The following ERCC4 variants were observed in gnomAD, a reference collection of about 807,000 sequenced individuals.
ERCC4 encodes DNA repair endonuclease XPF.
In ERCC4, 65 loss-of-function variants were observed where a neutral mutation model predicts 76.9. That is an observed-to-expected ratio of 0.84 (90% confidence interval 0.69 to 1.04). ERCC4 has a LOEUF of 1.04. Among genes scored for constraint, ERCC4 ranks in the 50% least tolerant of loss-of-function variants. ERCC4 has a pLI of 0.00. For missense variants in ERCC4, 1,214 were observed against 1,128.2 expected, an observed-to-expected ratio of 1.08 and a Z score of -1.09; for synonymous variants, 463 against 410.1, an observed-to-expected ratio of 1.13 and a Z score of -1.56.
intron 2 of ERCC4, among the ~76,000 whole-genome samples, chr16:13,924,296 G>A (rs186356583): frequency 6.6e-6 from 1 of 152,124 alleles, no homozygotes; most frequent in Non-Finnish European, 1.5e-5. Flanking sequence ...CTCCTAACAC[G>A]TGGGAGAACT....
chr16:13,940,933 G>A (rs1166222461), intron 9 of ERCC4, among the ~76,000 whole-genome samples: 1 of 152,200 alleles, frequency 6.6e-6, no homozygotes, highest in Non-Finnish European at 1.5e-5. Context: ...GATAGAATGG[G>A]AGGAAGACAG....
chr16:13,945,819 A>G (rs1415530395), intron 10 of ERCC4, among the ~76,000 whole-genome samples: 2 of 152,248 alleles, frequency 1.3e-5, no homozygotes, highest in Non-Finnish European at 2.9e-5. Context: ...TATGGGTACC[A>G]CACAGAGAGC....
rs1417763746 is a variant in ERCC4 at position 13,950,438 on chromosome 16, A to G, written c.*2091A>G. On this transcript the variant is annotated 3_prime_UTR_variant, in exon 11 of 11. Coordinates refer to ENST00000311895, the MANE Select transcript of ERCC4 (RefSeq NM_005236.3). ...TAGAACTCTGTAAGATGATGTGGAG[A>G]GTAAGGAAAAGGAGAAGAAATAAAA... 1 of 188,242 alleles carries G rather than the reference A, an allele frequency of 5.3e-6. No individual in the cohort carries two copies. The highest frequency in any genetic ancestry group is 1.1e-5 in the Non-Finnish European group (1 of 89,448). 11.7% of individuals were successfully genotyped at this position (188,242 alleles called of 1,614,324 possible).
chr16:13,936,252 G>A (rs1026809562), intron 8 of ERCC4, among the ~76,000 whole-genome samples: 13 of 152,318 alleles, frequency 8.5e-5, no homozygotes, highest in Admixed American at 3.9e-4. Flanking sequence ...AATATCAGAT[G>A]AGAAAATGAT....
chr16:13,927,557 CAAA>C (rs527349868), intron 3 of ERCC4: 598 of 52,090 alleles, frequency 0.011, 5 homozygotes, highest in African/African-American at 0.028. Flanking sequence ...AACTCCATCT[CAAA>C]AAAAAAAAAA....
rs115514005 is a variant in ERCC4, at chr16:13,933,828, T to C, written c.1103-364T>C. ...CTACTTTTATCCATGTTCAGGATTA[T>C]GAAAGTCATGGGGATTTTAGAAATA... On this transcript the variant is annotated intron_variant, in intron 6 of 10. Coordinates refer to ENST00000311895, the MANE Select transcript of ERCC4 (RefSeq NM_005236.3). 8.5e-3 allele frequency: 1,489 copies of C among 175,060 alleles called. 29 individuals are homozygous for C. Among genetic ancestry groups the C allele is most frequent in the African/African-American group, 0.033 (1,388 of 41,944 alleles). The allele number at this position is 175,060 out of a possible 1,614,324, so 10.8% of individuals were successfully genotyped here. A position where few individuals can be genotyped will look rare whatever the true frequency, so the allele number is the denominator to read the frequency against.
chr16:13,928,803 C>T (rs1247493926), intron 4 of ERCC4, among the ~76,000 whole-genome samples: 1 of 152,068 alleles, frequency 6.6e-6, no homozygotes, highest in Non-Finnish European at 1.5e-5. Context: ...ATTACAGATA[C>T]ATAAACGTCT....
intron 9 of ERCC4, among the ~76,000 whole-genome samples, chr16:13,939,017 G>A (rs2032360815): frequency 6.6e-6 from 1 of 152,166 alleles, no homozygotes; most frequent in Non-Finnish European, 1.5e-5. Context: ...AGTCATACAA[G>A]TATTGCTCAG....
chr16:13,930,619 A>G (rs1195257381), intron 4 of ERCC4, 91 bp from the exon 5 acceptor site: 2 of 966,916 alleles, frequency 2.1e-6, no homozygotes, highest in Non-Finnish European at 3.2e-6. Context: ...TTTTAGATAC[A>G]CAGGAAATAA....
At chr16:13,928,473 T>C (rs2032111790) in intron 4 of ERCC4, among the ~76,000 whole-genome samples, 1 of 151,860 alleles carries the variant, frequency 6.6e-6, no homozygotes, top group Non-Finnish European at 1.5e-5. Context: ...TTATCTCTTA[T>C]TTTAACTATA....
chr16:13,934,462 A>C, intron 7 of ERCC4, 160 bp downstream of exon 7: 1 of 634,026 alleles, frequency 1.6e-6, no homozygotes, highest in Non-Finnish European at 2.8e-6. Flanking sequence ...ATGTAGACAA[A>C]TAAATGGCAA....
At position 13,926,521 on chromosome 16, in the gene ERCC4, C is replaced by T. The variant is rs764442528; in HGVS notation, c.389-40C>T. 3.9e-6 allele frequency: 6 copies of T among 1,542,568 alleles called. No homozygotes were observed. The Admixed American group carries it at 6.7e-5, about 17-fold the overall frequency. ...AATGTGATGAATGAATGGCAATTAC[C>T]TACCTGTTCTGTAGTTTAAATTATG... On this transcript the variant is annotated intron_variant, in intron 2 of 10. Transcript: ENST00000311895.
intron 10 of ERCC4, among the ~76,000 whole-genome samples, chr16:13,946,050 T>C (rs979755387): frequency 5.3e-5 from 8 of 152,206 alleles, no homozygotes; most frequent in Admixed American, 2.0e-4. Flanking sequence ...AGAATCCCTT[T>C]CCTGGCCTTT....
rs748779012 is a variant in ERCC4, at chr16:13,926,637, A to G, written c.465A>G (p.Lys155=). The G allele has an allele frequency of 6.2e-7, 1 of 1,614,200 alleles. No homozygotes were observed. The highest frequency in any genetic ancestry group is 1.1e-5 in the South Asian group (1 of 91,084). ...TCATCTTGCGCCTCTTTCGCCAGAA[A>G]AACAAACGTGGTTTTATTAAAGCTT... ...EAFILRLFRQ[K]NKRGFIKAFT... The change falls in exon 3 of 11, where the codon AAA becomes AAG. Residue 155 remains lysine (K), a synonymous_variant. Transcript: ENST00000311895.
intron 9 of ERCC4, among the ~76,000 whole-genome samples, chr16:13,940,468 GCTTC>G (rs2032391967): frequency 1.3e-5 from 2 of 152,176 alleles, no homozygotes; most frequent in Non-Finnish European, 2.9e-5. Context: ...CCAGGCCTAA[GCTTC>G]CAGGTGTCCT....
chr16:13,920,177 G>T lies in ERCC4; in HGVS notation c.12G>T (p.Gly4=). The change falls in exon 1 of 11, where the codon GGG becomes GGT. Residue 4 remains glycine, a synonymous_variant. Coordinates refer to ENST00000311895, the MANE Select transcript of ERCC4 (RefSeq NM_005236.3). ...CCGGAAGAGCTTCCATGGAGTCAGG[G>T]CAGCCGGCTCGACGGATTGCCATGG... MES[G]QPARRIAMAP... is the part of the protein sequence containing the mutation. 6.2e-7 allele frequency: 1 copy of T among 1,605,568 alleles called. No individual in the cohort carries two copies. The highest frequency in any genetic ancestry group is 8.5e-7 in the Non-Finnish European group (1 of 1,179,838).
chr16:13,948,636 A>G lies in ERCC4; in HGVS notation c.*289A>G, dbSNP rs1427322939. ...AGGTAAAGTTCCTACAAGTGATTAC[A>G]GAAGGTAGAAACTTTACCTGATCCT... On this transcript the variant is annotated 3_prime_UTR_variant, in exon 11 of 11. Coordinates refer to ENST00000311895, the MANE Select transcript of ERCC4 (RefSeq NM_005236.3). 4.6e-6 allele frequency: 2 copies of G among 430,258 alleles called. No individual in the cohort carries two copies. The highest frequency in any genetic ancestry group is 3.8e-5 in the Admixed American group (1 of 26,162). 26.7% of individuals were successfully genotyped at this position (430,258 alleles called of 1,614,324 possible).
chr16:13,928,217 T>G lies in ERCC4; in HGVS notation c.774T>G (p.Ile258Met). 6.2e-7 allele frequency: 1 copy of G among 1,611,938 alleles called. No homozygotes were observed. The highest frequency in any genetic ancestry group is 8.5e-7 in the Non-Finnish European group (1 of 1,178,298). ...EVEDLSLENAIGKPFDKTIRH... is the reference protein window; with the variant it reads ...EVEDLSLENAMGKPFDKTIRH... The stretch of plus-strand genomic sequence containing the variant: ...AAGATTTATCTTTAGAAAATGCTAT[T>G]GGAAAACCTTTTGACAAGGTACTCT... Residue 258 changes from isoleucine to methionine, a missense_variant, in exon 4 of 11, where the codon ATT becomes ATG. Transcript: ENST00000311895.
chr16:13,943,673 G>T (rs1220720310), intron 9 of ERCC4, among the ~76,000 whole-genome samples: 1 of 151,930 alleles, frequency 6.6e-6, no homozygotes, highest in Non-Finnish European at 1.5e-5. Context: ...AACATTGATG[G>T]TTCCTCTTCT....
Sources: allele counts gnomAD v4.1 joint callset (sites outside exome capture counted in the v4.1 genomes callset), GRCh38; gene constraint gnomAD v4.1.1; transcripts MANE v1.5; gene names NCBI Gene and HGNC (gene_info 2026-07-23, HGNC 2026-07-21).